Variants in SPAG16 observed in about 807,000 individuals in gnomAD.
SPAG16 encodes the protein sperm associated antigen 16, also known as sperm-associated antigen 16 protein.
SPAG16 carries 86 observed loss-of-function variants against 80.4 expected under a neutral mutation model. The ratio of observed to expected loss-of-function variants is 1.07; its 90% CI spans 0.90 to 1.28. The LOEUF (loss-of-function observed/expected upper bound fraction) is 1.28. Ranked by LOEUF, SPAG16 falls within the 50% of genes most tolerant of loss-of-function variation. SPAG16 has a pLI of 0.00. For missense variants in SPAG16, 870 were observed against 765.3 expected (o/e 1.14, Z -1.61); for synonymous variants, 294 against 265.9 (o/e 1.11, Z -1.03).
chr2:213,988,040 G>T (rs1044518788), intron 12 of SPAG16, among the ~76,000 whole-genome samples: 1 of 151,768 alleles, frequency 6.6e-6, no homozygotes, highest in Non-Finnish European at 1.5e-5. Context: ...AGAAAAAAGG[G>T]ATTGAAAATC....
intron 11 of SPAG16, among the ~76,000 whole-genome samples, chr2:213,911,705 A>G (rs951265309): frequency 2.0e-5 from 3 of 152,114 alleles, no homozygotes; most frequent in Non-Finnish European, 4.4e-5. Flanking sequence ...ACACAAAAAC[A>G]TATTCTCCAT....
chr2:214,373,735 C>A (rs528554143), intron 15 of SPAG16, among the ~76,000 whole-genome samples: 24 of 152,236 alleles, frequency 1.6e-4, no homozygotes, highest in African/African-American at 5.3e-4. Context: ...AGAAGGTGAG[C>A]AATTTACTTT....
intron 10 of SPAG16, among the ~76,000 whole-genome samples, chr2:213,603,529 T>G (rs562574624): frequency 6.6e-6 from 1 of 152,344 alleles, no homozygotes; most frequent in South Asian, 2.1e-4. Flanking sequence ...ATAACAAAAA[T>G]TATCTAATAT....
intron 10 of SPAG16, among the ~76,000 whole-genome samples, chr2:213,772,646 A>T (rs2069320339): frequency 6.6e-6 from 1 of 152,132 alleles, no homozygotes; most frequent in African/African-American, 2.4e-5. Flanking sequence ...GATTAGTATA[A>T]CTTTATAATA....
intron 3 of SPAG16, among the ~76,000 whole-genome samples, chr2:213,304,264 T>G (rs1409010311): frequency 2.0e-5 from 3 of 152,132 alleles, no homozygotes; most frequent in African/African-American, 7.2e-5. Context: ...TCCTTATATA[T>G]TCTGATTATT....
intron 15 of SPAG16, among the ~76,000 whole-genome samples, chr2:214,286,004 T>C (rs1693329397): frequency 6.6e-6 from 1 of 152,176 alleles, no homozygotes; most frequent in African/African-American, 2.4e-5. Context: ...TTTGGAAATA[T>C]GTGTAGGTCT....
At chr2:214,095,778 C>A (rs2052550135) in intron 13 of SPAG16, among the ~76,000 whole-genome samples, 1 of 149,854 alleles carries the variant, frequency 6.7e-6, no homozygotes, top group Non-Finnish European at 1.5e-5. Context: ...ATCTGTTGTA[C>A]AACATTGTAT....
intron 9 of SPAG16, among the ~76,000 whole-genome samples, chr2:213,407,615 GAGAGAGAGAGAGAGAGAGAGAGAGAC>G (rs2068693292): frequency 7.7e-6 from 1 of 130,202 alleles, no homozygotes; most frequent in Non-Finnish European, 1.8e-5. Flanking sequence ...GAGAGAGAGA[GAGAGAGAGAGAGAGAGAGAGAGAGAC>G]AGACAGACAG....
chr2:213,372,352 G>A (rs2066685184), intron 8 of SPAG16, among the ~76,000 whole-genome samples: 1 of 152,020 alleles, frequency 6.6e-6, no homozygotes, highest in South Asian at 2.1e-4. Context: ...GCTTGGTGAA[G>A]TGAAAAATTG....
intron 15 of SPAG16, among the ~76,000 whole-genome samples, chr2:214,323,288 C>A (rs978579569): frequency 1.3e-5 from 2 of 151,380 alleles, no homozygotes; most frequent in Non-Finnish European, 2.9e-5. Flanking sequence ...ACTGGTATTA[C>A]AAAACACACC....
chr2:214,037,864 GGTGTGTGTGTGTGTGTGTGT>G (rs35564156), intron 13 of SPAG16, among the ~76,000 whole-genome samples: 26 of 133,704 alleles, frequency 1.9e-4, no homozygotes, highest in Middle Eastern at 3.8e-3. Context: ...CCAGAAGCCT[GGTGTGTGTGTGTGTGTGTGT>G]GTGTGTGTGT....
chr2:213,392,042 T>C (rs1162108944), intron 9 of SPAG16, among the ~76,000 whole-genome samples: 2 of 152,192 alleles, frequency 1.3e-5, no homozygotes, highest in Non-Finnish European at 2.9e-5. Context: ...AATGAAAAAA[T>C]GGAATGTTAT....
intron 5 of SPAG16, among the ~76,000 whole-genome samples, chr2:213,318,650 T>A (rs1302409773): frequency 1.3e-5 from 2 of 151,716 alleles, no homozygotes; most frequent in Non-Finnish European, 1.5e-5. Context: ...TAAAAAATTT[T>A]AAAAAAGAAA....
At chr2:214,314,068 A>G (rs527295329) in intron 15 of SPAG16, among the ~76,000 whole-genome samples, 15 of 152,078 alleles carry the variant, frequency 9.9e-5, no homozygotes, top group East Asian at 1.9e-4. Context: ...TTTATTTCCA[A>G]TTTTTCTGTG....
intron 1 of SPAG16, among the ~76,000 whole-genome samples, chr2:213,289,993 T>C (rs538530629): frequency 1.8e-4 from 27 of 152,230 alleles, no homozygotes; most frequent in Non-Finnish European, 1.3e-4. Context: ...CTCATACCAA[T>C]TGGCACCTCA....
At chr2:213,294,627 G>A (rs968115317) in intron 1 of SPAG16, among the ~76,000 whole-genome samples, 4 of 152,168 alleles carry the variant, frequency 2.6e-5, no homozygotes, top group African/African-American at 7.2e-5. Flanking sequence ...CCTTTTGACA[G>A]ATACCTGGTA....
At chr2:213,482,345 A>T (rs1255932801) in intron 9 of SPAG16, among the ~76,000 whole-genome samples, 4 of 152,240 alleles carry the variant, frequency 2.6e-5, no homozygotes, top group Admixed American at 2.6e-4. Context: ...AAGAGGGCAC[A>T]GAACTGACAT....
chr2:214,323,397 T>C (rs1224704444), intron 15 of SPAG16, among the ~76,000 whole-genome samples: 2 of 152,038 alleles, frequency 1.3e-5, no homozygotes, highest in Admixed American at 6.6e-5. Context: ...AATTTATGTC[T>C]ATATAAAGGA....
intron 11 of SPAG16, among the ~76,000 whole-genome samples, chr2:213,923,002 G>C (rs1315579280): frequency 6.6e-6 from 1 of 152,190 alleles, no homozygotes; most frequent in East Asian, 1.9e-4. Context: ...GGACCTCTGG[G>C]TTGGAAGCTC....
Sources: gnomAD v4.1 joint callset for allele counts (sites outside exome capture counted in the v4.1 genomes callset) on GRCh38, gnomAD v4.1.1 for gene constraint, MANE v1.5 for transcripts, NCBI Gene and HGNC (gene_info 2026-07-23, HGNC 2026-07-21) for gene names.